Variants in BICD1 observed in about 807,000 individuals in gnomAD.
The protein encoded by BICD1 is protein bicaudal D homolog 1.
A neutral mutation model predicts 92.5 loss-of-function variants in BICD1; 35 were observed. The observed-to-expected ratio is 0.38, with a 90% confidence interval of 0.29 to 0.50. The LOEUF (loss-of-function observed/expected upper bound fraction) is 0.50. BICD1 is among the 20% of genes least tolerant of loss of function. The probability of loss-of-function intolerance (pLI) is 0.93; values close to 1 mark genes in which losing one functional copy is unlikely to be tolerated. For synonymous variants in BICD1, 429 were observed against 465.1 expected, an observed-to-expected ratio of 0.92 and a Z score of 1.00; for missense variants, 950 against 1,189.8, an observed-to-expected ratio of 0.80 and a Z score of 2.97.
At chr12:32,340,627 T>A (rs1565683534) in intron 8 of BICD1, 1 of 626,904 alleles carries the variant, frequency 1.6e-6, no homozygotes, top group East Asian at 1.4e-4. Flanking sequence ...TTCATTTTTG[T>A]ATGACTGGTT....
intron 8 of BICD1, among the ~76,000 whole-genome samples, chr12:32,365,823 G>A (rs1339350468): frequency 6.6e-6 from 1 of 152,182 alleles, no homozygotes; most frequent in African/African-American, 2.4e-5. Context: ...TTAAGACTCT[G>A]AGTTTCTACA....
chr12:32,286,788 G>A (rs1428558506), intron 2 of BICD1, among the ~76,000 whole-genome samples: 1 of 151,980 alleles, frequency 6.6e-6, no homozygotes, highest in Non-Finnish European at 1.5e-5. Flanking sequence ...GGTCATTAGG[G>A]CCTAAAATGT....
chr12:32,378,738 TC>T lies in BICD1; in HGVS notation c.*1112del, dbSNP rs1318012816. On this transcript the variant is annotated 3_prime_UTR_variant, in exon 10 of 10. Transcript: ENST00000652176. The stretch of plus-strand genomic sequence containing the variant: ...TATGTTTTGTTGTTGTTAGTTTTTT[TC>T]ATAACGAATCTTCCTTGCCAAAAAA... 1 of 152,220 alleles carries T rather than the reference TC, an allele frequency of 6.6e-6. No homozygotes were observed. Among genetic ancestry groups the T allele is most frequent in the Non-Finnish European group, 1.5e-5 (1 of 68,044 alleles). 9.4% of individuals were successfully genotyped at this position (152,220 alleles called of 1,614,324 possible).
intron 1 of BICD1, among the ~76,000 whole-genome samples, chr12:32,206,586 A>C (rs1446015609): frequency 6.6e-6 from 1 of 152,208 alleles, no homozygotes; most frequent in Non-Finnish European, 1.5e-5. Flanking sequence ...AGCCTGGGAG[A>C]CAGAGCAAGA....
rs1157731923 is a variant in BICD1, at chr12:32,232,418, T to C, written c.426+15959T>C. 4.4e-3 allele frequency among the ~76,000 whole-genome samples: 660 copies of C among 150,372 alleles called. 7 individuals are homozygous for C. Among genetic ancestry groups the C allele is most frequent in the African/African-American group, 0.016 (639 of 39,972 alleles). On this transcript the variant is annotated intron_variant, in intron 2 of 9. Transcript: ENST00000652176. ...GAAGTGTCTGTTCATGTCCTTCACC[T>C]ACTTTTTGATGGGGTTGTTTGTTTT... is the stretch of plus-strand genomic sequence containing the variant.
At chr12:32,324,126 C>T (rs942230499) in intron 4 of BICD1, among the ~76,000 whole-genome samples, 6 of 152,032 alleles carry the variant, frequency 3.9e-5, no homozygotes, top group Non-Finnish European at 7.4e-5. Context: ...GTCAGGAGTT[C>T]GAGACCAGCC....
chr12:32,350,451 T>C (rs974982727), intron 8 of BICD1, among the ~76,000 whole-genome samples: 4 of 152,200 alleles, frequency 2.6e-5, no homozygotes, highest in Non-Finnish European at 4.4e-5. Flanking sequence ...CACTCTAGCC[T>C]GGGTGACAGT....
chr12:32,317,339 C>T (rs1189735455), intron 4 of BICD1, among the ~76,000 whole-genome samples: 1 of 152,208 alleles, frequency 6.6e-6, no homozygotes, highest in African/African-American at 2.4e-5. Context: ...TAAAAGTGTT[C>T]CTATTTCTCC....
chr12:32,253,540 A>G (rs1946622117), intron 2 of BICD1, among the ~76,000 whole-genome samples: 1 of 152,072 alleles, frequency 6.6e-6, no homozygotes, highest in South Asian at 2.1e-4. Context: ...TTCCTCTTTT[A>G]AGAAGAAAAA....
chr12:32,157,421 T>A (rs577818419), intron 1 of BICD1, among the ~76,000 whole-genome samples: 59 of 152,318 alleles, frequency 3.9e-4, no homozygotes, highest in Middle Eastern at 3.4e-3. Context: ...TGTATTATTA[T>A]GATTACTTTT....
chr12:32,335,717 C>T (rs1938087466), intron 6 of BICD1, among the ~76,000 whole-genome samples: 2 of 151,734 alleles, frequency 1.3e-5, no homozygotes, highest in Admixed American at 1.3e-4. Flanking sequence ...TCCCGAGTAC[C>T]TAGGACTGCA....
chr12:32,329,228 C>T lies in BICD1; in HGVS notation c.2100+673C>T, dbSNP rs189493858. On this transcript the variant is annotated intron_variant, in intron 5 of 9. Coordinates refer to ENST00000652176, the MANE Select transcript of BICD1 (RefSeq NM_001714.4). ...CAAGCGATTCTCATGCCTCAGCCTC[C>T]GAAGCAGCTGAGATTACAGGCATGT... 3.4e-3 allele frequency among the ~76,000 whole-genome samples: 516 copies of T among 152,178 alleles called. 1 individual carries two copies. Among genetic ancestry groups the T allele is most frequent in the Non-Finnish European group, 5.5e-3 (373 of 68,004 alleles).
At chr12:32,280,164 A>G (rs1947378500) in intron 2 of BICD1, among the ~76,000 whole-genome samples, 1 of 152,148 alleles carries the variant, frequency 6.6e-6, no homozygotes, top group African/African-American at 2.4e-5. Flanking sequence ...TAGTTTTACT[A>G]CTCTTGTATA....
At position 32,382,353 on chromosome 12, in the gene BICD1, GAGTGCATAGAA is replaced by G. The variant is rs1940211884; in HGVS notation, c.*4728_*4738del. On this transcript the variant is annotated 3_prime_UTR_variant, in exon 10 of 10. Transcript: ENST00000652176. The stretch of plus-strand genomic sequence containing the variant: ...TTAACTGCCTTTAGTGTAAGGGCGA[GAGTGCATAGAA>G]ATATGCAATGTAAAATGTTTGCATG... The G allele has an allele frequency of 6.6e-6, 1 of 152,074 alleles. No homozygotes were observed. The highest frequency in any genetic ancestry group is 1.5e-5 in the Non-Finnish European group (1 of 67,954). 9.4% of individuals were successfully genotyped at this position (152,074 alleles called of 1,614,324 possible).
At chr12:32,204,608 G>A (rs775853156) in intron 1 of BICD1, among the ~76,000 whole-genome samples, 1 of 152,148 alleles carries the variant, frequency 6.6e-6, no homozygotes, top group Non-Finnish European at 1.5e-5. Context: ...AGTTGAAGCT[G>A]TGTGTAATCC....
intron 1 of BICD1, among the ~76,000 whole-genome samples, chr12:32,145,732 T>C (rs1943081593): frequency 6.6e-6 from 1 of 152,200 alleles, no homozygotes; most frequent in African/African-American, 2.4e-5. Context: ...TGAATATTAT[T>C]TTTGTAAATG....
chr12:32,185,411 G>A lies in BICD1; in HGVS notation c.214-30836G>A, dbSNP rs182996570. Reference sequence around the variant, plus strand: ...ATTTCAAGGGCTTACAACAATAAAGGTTTGTCTTTCATGCTGTACATTCAT... The same window carrying A: ...ATTTCAAGGGCTTACAACAATAAAGATTTGTCTTTCATGCTGTACATTCAT... On this transcript the variant is annotated intron_variant, in intron 1 of 9. Transcript: ENST00000652176. Among the ~76,000 whole-genome samples the A allele has an allele frequency of 2.2e-3, 335 of 152,292 alleles. 2 individuals are homozygous for A. Among genetic ancestry groups the A allele is most frequent in the African/African-American group, 7.5e-3 (311 of 41,566 alleles).
intron 2 of BICD1, among the ~76,000 whole-genome samples, chr12:32,275,430 G>A (rs1369829131): frequency 6.6e-6 from 1 of 152,234 alleles, no homozygotes; most frequent in South Asian, 2.1e-4. Flanking sequence ...TAATTTCTGG[G>A]TCTGGAATCA....
chr12:32,188,964 A>G (rs886405642), intron 1 of BICD1, among the ~76,000 whole-genome samples: 2 of 152,168 alleles, frequency 1.3e-5, no homozygotes, highest in East Asian at 1.9e-4. Context: ...GAATTCTTAA[A>G]TAACCAGTAC....
Sources: gnomAD v4.1 joint callset for allele counts (sites outside exome capture counted in the v4.1 genomes callset) on GRCh38, gnomAD v4.1.1 for gene constraint, MANE v1.5 for transcripts, NCBI Gene and HGNC (gene_info 2026-07-23, HGNC 2026-07-21) for gene names.